Variants in CAST observed in about 807,000 individuals in gnomAD.
The protein encoded by CAST is MIR583 host.
A neutral mutation model predicts 119.6 loss-of-function variants in CAST; 76 were observed. The ratio of observed to expected loss-of-function variants is 0.64; its 90% CI spans 0.53 to 0.77. The LOEUF is 0.77. Among genes scored for constraint, CAST ranks in the 30% least tolerant of loss-of-function variants. The probability of loss-of-function intolerance (pLI) is 0.00; values close to 1 mark genes in which losing one functional copy is unlikely to be tolerated. For synonymous variants in CAST, 319 were observed against 331.6 expected, an observed-to-expected ratio of 0.96 and a Z score of 0.41; for missense variants, 953 against 946.5, an observed-to-expected ratio of 1.01 and a Z score of -0.09.
intron 1 of CAST, among the ~76,000 whole-genome samples, chr5:96,598,585 T>A (rs1311043123): frequency 1.3e-5 from 2 of 152,244 alleles, no homozygotes; most frequent in Non-Finnish European, 2.9e-5. Context: ...AACATTGTCC[T>A]ACCTCCGTTT....
chr5:96,418,542 C>A, the CAST span, among the ~76,000 whole-genome samples: 1 of 152,116 alleles, frequency 6.6e-6, no homozygotes, highest in Non-Finnish European at 1.5e-5. Context: ...TTCAGAGTAG[C>A]ATTCAAATGT....
the CAST span, among the ~76,000 whole-genome samples, chr5:95,966,716 C>T: frequency 6.6e-6 from 1 of 152,150 alleles, no homozygotes; most frequent in Non-Finnish European, 1.5e-5. Context: ...TACACATGCA[C>T]GTTAGCTTCC....
chr5:96,287,571 C>G, the CAST span, among the ~76,000 whole-genome samples: 152 of 152,090 alleles, frequency 1.0e-3, 1 homozygote, highest in African/African-American at 3.5e-3. Context: ...GTGGTATTAA[C>G]GGGTTCTGTG....
the CAST span, among the ~76,000 whole-genome samples, chr5:96,031,512 C>A: frequency 6.6e-6 from 1 of 152,126 alleles, no homozygotes; most frequent in African/African-American, 2.4e-5. Context: ...GTTCAAACAT[C>A]AAATCCATAA....
chr5:96,453,217 A>C, the CAST span, among the ~76,000 whole-genome samples: 2 of 152,196 alleles, frequency 1.3e-5, no homozygotes, highest in Non-Finnish European at 2.9e-5. Context: ...CCAATTGGAT[A>C]CTTGTTTTTC....
At chr5:96,010,821 T>C in the CAST span, among the ~76,000 whole-genome samples, 5 of 152,244 alleles carry the variant, frequency 3.3e-5, no homozygotes, top group Non-Finnish European at 7.3e-5. Flanking sequence ...TTTCACTGTC[T>C]TGATTGGCTG....
the CAST span, among the ~76,000 whole-genome samples, chr5:96,371,481 C>G: frequency 5.3e-5 from 8 of 152,194 alleles, no homozygotes; most frequent in Admixed American, 5.2e-4. Context: ...TACCTTTCTT[C>G]CTTTCTTCTT....
intron 1 of CAST, among the ~76,000 whole-genome samples, chr5:96,588,615 G>T (rs1276554130): frequency 6.6e-6 from 1 of 152,144 alleles, no homozygotes; most frequent in African/African-American, 2.4e-5. Context: ...CCAATTGGAT[G>T]AAATTACAAT....
chr5:96,446,004 C>A, the CAST span, among the ~76,000 whole-genome samples: 2 of 152,122 alleles, frequency 1.3e-5, no homozygotes, highest in Non-Finnish European at 2.9e-5. Flanking sequence ...TGTGCCACCA[C>A]TCCTGGCTAA....
the CAST span, among the ~76,000 whole-genome samples, chr5:96,484,731 C>T: frequency 3.4e-3 from 498 of 146,370 alleles, 3 homozygotes; most frequent in African/African-American, 0.012. Context: ...TGAACTCCAA[C>T]GAGCTCATAA....
chr5:96,099,687 G>A, the CAST span, among the ~76,000 whole-genome samples: 2 of 152,190 alleles, frequency 1.3e-5, no homozygotes, highest in African/African-American at 4.8e-5. Context: ...ACTTGATCAT[G>A]GTTGATAAGC....
chr5:96,556,123 A>G (rs939647765), intron 1 of CAST, among the ~76,000 whole-genome samples: 1 of 152,146 alleles, frequency 6.6e-6, no homozygotes, highest in Non-Finnish European at 1.5e-5. Flanking sequence ...CCTCCAGAAA[A>G]CTCCAACAGA....
chr5:96,509,742 G>A, the CAST span, among the ~76,000 whole-genome samples: 1 of 152,164 alleles, frequency 6.6e-6, no homozygotes, highest in Admixed American at 6.5e-5. Flanking sequence ...TTTCTAAAAC[G>A]GAATTTACAC....
At chr5:96,236,127 C>G in the CAST span, among the ~76,000 whole-genome samples, 29,050 of 143,960 alleles carry the variant, frequency 0.2, 3,513 homozygotes, top group Non-Finnish European at 0.26. Flanking sequence ...CTATCTATCT[C>G]TCTATCTATC....
At chr5:96,602,057 T>C (rs1747163941) in intron 1 of CAST, among the ~76,000 whole-genome samples, 1 of 152,202 alleles carries the variant, frequency 6.6e-6, no homozygotes, top group Admixed American at 6.5e-5. Flanking sequence ...TGACTAGACC[T>C]GACTTACCCA....
intron 24 of CAST, among the ~76,000 whole-genome samples, chr5:96,759,335 A>G (rs2150645149): frequency 6.6e-6 from 1 of 152,306 alleles, no homozygotes; most frequent in South Asian, 2.1e-4. Context: ...ATGCTATATA[A>G]AAAGAAACAC....
the CAST span, chr5:96,278,842 G>GTA: frequency 6.6e-6 from 1 of 152,100 alleles, no homozygotes; most frequent in African/African-American, 2.4e-5. Context: ...TTACATGCAT[G>GTA]TATATATACA....
the CAST span, among the ~76,000 whole-genome samples, chr5:96,212,067 T>C: frequency 6.6e-6 from 1 of 152,112 alleles, no homozygotes; most frequent in East Asian, 1.9e-4. Context: ...ATTGATCTTC[T>C]CAAAGGGTGA....
chr5:95,989,383 T>A, the CAST span, among the ~76,000 whole-genome samples: 2 of 152,194 alleles, frequency 1.3e-5, no homozygotes, highest in Admixed American at 1.3e-4. Flanking sequence ...CAGTGTGACA[T>A]GCCTAAAGGA....
Sources: gnomAD v4.1 joint callset for allele counts (sites outside exome capture counted in the v4.1 genomes callset) on GRCh38, gnomAD v4.1.1 for gene constraint, MANE v1.5 for transcripts, NCBI Gene and HGNC (gene_info 2026-07-23, HGNC 2026-07-21) for gene names.